GPC6: variants seen among roughly 807,000 people sequenced by gnomAD.
The protein encoded by GPC6 is glypican 6.
A neutral mutation model predicts 55.2 loss-of-function variants in GPC6; 14 were observed. That is an observed-to-expected ratio of 0.25 (90% CI 0.17 to 0.40). The LOEUF is 0.40. Ranked by LOEUF, GPC6 falls within the 10% of genes least tolerant of loss-of-function variation. The probability of loss-of-function intolerance (pLI) is 1.00; values close to 1 mark genes in which losing one functional copy is unlikely to be tolerated. For missense variants in GPC6, 641 were observed against 708.5 expected (o/e 0.90, Z 1.08); for synonymous variants, 278 against 259.6 (o/e 1.07, Z -0.68).
At chr13:93,732,100 G>A (rs139131056) in intron 2 of GPC6, among the ~76,000 whole-genome samples, 65 of 152,272 alleles carry the variant, frequency 4.3e-4, no homozygotes, top group African/African-American at 1.5e-3. Flanking sequence ...GGTAGATGCA[G>A]CTTTCCCAGC....
intron 1 of GPC6, among the ~76,000 whole-genome samples, chr13:93,356,622 T>C (rs1004697816): frequency 2.5e-4 from 38 of 152,284 alleles, no homozygotes; most frequent in African/African-American, 7.2e-4. Flanking sequence ...CTGAATGCGG[T>C]TGGTTATCAT....
At chr13:93,854,704 C>A (rs1389483894) in intron 3 of GPC6, among the ~76,000 whole-genome samples, 1 of 151,582 alleles carries the variant, frequency 6.6e-6, no homozygotes, top group Non-Finnish European at 1.5e-5. Context: ...CTAACTAATC[C>A]ATTAATATAG....
intron 4 of GPC6, among the ~76,000 whole-genome samples, chr13:94,153,013 A>G (rs1026845887): frequency 2.0e-5 from 3 of 152,188 alleles, no homozygotes; most frequent in Non-Finnish European, 2.9e-5. Flanking sequence ...TAAATGATTG[A>G]TATTACAAAG....
chr13:93,892,303 TCCTA>T (rs1187319221), intron 3 of GPC6, among the ~76,000 whole-genome samples: 1 of 152,140 alleles, frequency 6.6e-6, no homozygotes, highest in African/African-American at 2.4e-5. Context: ...CAGTGAAAGT[TCCTA>T]CCTAACGGGT....
At chr13:94,379,042 G>C (rs922824794) in intron 6 of GPC6, among the ~76,000 whole-genome samples, 1 of 151,882 alleles carries the variant, frequency 6.6e-6, no homozygotes, top group Admixed American at 6.6e-5. Flanking sequence ...GTGCACTTAA[G>C]TTTCCAGGAA....
chr13:94,169,435 TA>T (rs1189099131), intron 4 of GPC6, among the ~76,000 whole-genome samples: 119 of 152,180 alleles, frequency 7.8e-4, no homozygotes, highest in Middle Eastern at 3.4e-3. Context: ...CCGAAAGATA[TA>T]CAAGAGATGG....
chr13:93,431,830 A>T (rs1485399857), intron 1 of GPC6, among the ~76,000 whole-genome samples: 1 of 152,208 alleles, frequency 6.6e-6, no homozygotes, highest in Non-Finnish European at 1.5e-5. Flanking sequence ...GTGCCTAGCA[A>T]ATAGTATGTG....
intron 2 of GPC6, among the ~76,000 whole-genome samples, chr13:93,774,395 G>T (rs1297204643): frequency 6.6e-6 from 1 of 151,960 alleles, no homozygotes; most frequent in African/African-American, 2.4e-5. Context: ...GGAATATTAG[G>T]GACCATATCA....
intron 2 of GPC6, among the ~76,000 whole-genome samples, chr13:93,637,071 AGTTG>A (rs1347792798): frequency 6.6e-6 from 1 of 152,038 alleles, no homozygotes; most frequent in East Asian, 1.9e-4. Context: ...AAATTCTTGA[AGTTG>A]GTTTGTTTAT....
intron 1 of GPC6, among the ~76,000 whole-genome samples, chr13:93,347,690 G>T (rs1295512690): frequency 6.6e-6 from 1 of 152,132 alleles, no homozygotes; most frequent in Non-Finnish European, 1.5e-5. Context: ...ATGGCATTCT[G>T]CAGCCTGCAA....
chr13:93,396,488 G>T (rs548639030), intron 1 of GPC6, among the ~76,000 whole-genome samples: 1 of 151,966 alleles, frequency 6.6e-6, no homozygotes, highest in Non-Finnish European at 1.5e-5. Flanking sequence ...GCTTGAACCC[G>T]GGAGGCGGAG....
At chr13:93,400,647 T>C (rs1876037340) in intron 1 of GPC6, among the ~76,000 whole-genome samples, 1 of 152,164 alleles carries the variant, frequency 6.6e-6, no homozygotes, top group Non-Finnish European at 1.5e-5. Context: ...AGGGGATGGA[T>C]ACCTAATTTT....
intron 3 of GPC6, among the ~76,000 whole-genome samples, chr13:93,881,653 C>T (rs1056881374): frequency 6.6e-6 from 1 of 151,980 alleles, no homozygotes; most frequent in Admixed American, 6.6e-5. Flanking sequence ...TGTTTAGTCA[C>T]CCATGCATAT....
intron 2 of GPC6, among the ~76,000 whole-genome samples, chr13:93,693,502 T>C (rs1882338034): frequency 7.1e-6 from 1 of 140,772 alleles, no homozygotes; most frequent in African/African-American, 2.6e-5. Flanking sequence ...TGTGTGTGTG[T>C]AGGGAGACAG....
intron 4 of GPC6, among the ~76,000 whole-genome samples, chr13:94,198,627 C>G (rs533605333): frequency 6.6e-6 from 1 of 152,246 alleles, no homozygotes; most frequent in South Asian, 2.1e-4. Flanking sequence ...ATGAAATAAA[C>G]TTGGTGACCC....
At chr13:93,562,728 T>C (rs1383705138) in intron 2 of GPC6, among the ~76,000 whole-genome samples, 1 of 152,204 alleles carries the variant, frequency 6.6e-6, no homozygotes, top group Non-Finnish European at 1.5e-5. Flanking sequence ...AATATTCAAA[T>C]TCTTGTAGAT....
At chr13:94,295,742 C>T (rs1875297759) in intron 5 of GPC6, among the ~76,000 whole-genome samples, 6 of 152,034 alleles carry the variant, frequency 3.9e-5, no homozygotes, top group Admixed American at 3.9e-4. Flanking sequence ...AATTGGCCTG[C>T]TTCATTGACA....
intron 1 of GPC6, among the ~76,000 whole-genome samples, chr13:93,307,765 T>C (rs1023139370): frequency 6.6e-6 from 1 of 152,176 alleles, no homozygotes; most frequent in Non-Finnish European, 1.5e-5. Flanking sequence ...TTGAGATCTA[T>C]TGTAAAACTA....
chr13:94,163,020 T>C (rs1227096333), intron 4 of GPC6, among the ~76,000 whole-genome samples: 1 of 152,086 alleles, frequency 6.6e-6, no homozygotes, highest in African/African-American at 2.4e-5. Flanking sequence ...ATTTCTGGAG[T>C]GAGAATTTTT....
Sources: gnomAD v4.1 joint callset for allele counts (sites outside exome capture counted in the v4.1 genomes callset) on GRCh38, gnomAD v4.1.1 for gene constraint, MANE v1.5 for transcripts, NCBI Gene and HGNC (gene_info 2026-07-23, HGNC 2026-07-21) for gene names.